CD164: variants seen among roughly 807,000 people sequenced by gnomAD.
CD164 encodes the protein sialomucin core protein 24.
CD164 carries 11 observed loss-of-function variants against 24.6 expected under a neutral mutation model. The ratio of observed to expected loss-of-function variants is 0.45; its 90% CI spans 0.28 to 0.74. The LOEUF (loss-of-function observed/expected upper bound fraction) is 0.74, where lower values mean the gene tolerates loss of function less well. CD164 is among the 30% of genes least tolerant of loss of function. The pLI is 0.13. For missense variants in CD164, 295 were observed against 243.7 expected (o/e 1.21, Z -1.40); for synonymous variants, 126 against 100.3 (o/e 1.26, Z -1.53).
Position 109,368,812 on chromosome 6 carries a change from CA to C in CD164, c.*38del, listed in dbSNP as rs1328177476. 1.9e-6 allele frequency: 3 copies of C among 1,576,480 alleles called. No homozygotes were observed. Among genetic ancestry groups the C allele is most frequent in the East Asian group, 2.3e-5 (1 of 44,290 alleles). Reference sequence around the variant, plus strand: ...AGTATTTTGGCTTCAGTGAGTTACACAAATGAATCACCAGTCCTTATTAATT... The same window carrying C: ...AGTATTTTGGCTTCAGTGAGTTACACAATGAATCACCAGTCCTTATTAATT... On this transcript the variant is annotated 3_prime_UTR_variant, in exon 6 of 6. Transcript: ENST00000310786.
chr6:109,370,066 C>T (rs1770990521), intron 5 of CD164, among the ~76,000 whole-genome samples: 1 of 152,182 alleles, frequency 6.6e-6, no homozygotes, highest in Admixed American at 6.5e-5. Flanking sequence ...TCCCTCAAAT[C>T]GCCATGCTCT....
intron 4 of CD164, chr6:109,371,921 A>G (rs1195653444): frequency 6.6e-6 from 1 of 152,182 alleles, no homozygotes; most frequent in Non-Finnish European, 1.5e-5. Flanking sequence ...TAATCATATG[A>G]GATTTATATT....
chr6:109,369,334 T>C (rs554144131), intron 5 of CD164, among the ~76,000 whole-genome samples: 1 of 152,372 alleles, frequency 6.6e-6, no homozygotes, highest in South Asian at 2.1e-4. Context: ...CTTCAGACTA[T>C]GTACTTTTAG....
chr6:109,379,659 G>A lies in CD164; in HGVS notation c.179C>T (p.Thr60Ile). 6.2e-7 allele frequency: 1 copy of A among 1,611,910 alleles called. No homozygotes were observed. The highest frequency in any genetic ancestry group is 8.5e-7 in the Non-Finnish European group (1 of 1,179,140). The change falls in exon 2 of 6, where the codon ACC (threonine) becomes ATC (isoleucine). Residue 60 changes from threonine to isoleucine, a missense_variant. Transcript: ENST00000310786. ...AACGCAGCTGTTTCGACCTTCACAGGTTTCTGGGGAGTTGGGGGGAGAGAT... is the reference window on the plus strand; with the variant it reads ...AACGCAGCTGTTTCGACCTTCACAGATTTCTGGGGAGTTGGGGGGAGAGAT... ...LPLVTTPAPE[T>I]CEGRNSCVSC...
chr6:109,380,557 G>C (rs1468407539), intron 1 of CD164: 1 of 152,192 alleles, frequency 6.6e-6, no homozygotes, highest in Non-Finnish European at 1.5e-5. Flanking sequence ...CGGTGGGGTG[G>C]GGAAGGGTTC....
chr6:109,379,128 T>C (rs1340206254), intron 2 of CD164, among the ~76,000 whole-genome samples: 1 of 152,204 alleles, frequency 6.6e-6, no homozygotes, highest in Admixed American at 6.5e-5. Flanking sequence ...TCTCTTTATA[T>C]TTCATGTTGC....
chr6:109,379,751 G>A (rs1771630465), intron 1 of CD164, 89 bp from the exon 2 acceptor site: 2 of 927,822 alleles, frequency 2.2e-6, no homozygotes, highest in Non-Finnish European at 3.3e-6. Flanking sequence ...TGAACAATAA[G>A]CATTACATAC....
intron 5 of CD164, 136 bp downstream of exon 5, chr6:109,370,275 T>TC (rs770983455): frequency 7.4e-6 from 5 of 672,172 alleles, no homozygotes; most frequent in Admixed American, 3.1e-5. Flanking sequence ...ACTACCTTGA[T>TC]CCCCCCTAAG....
rs570662789 is a variant in CD164, at chr6:109,375,917, G to T, written c.370+157C>A. Reference sequence around the variant, plus strand: ...GAGCTATGTGTCACTGTCACAAAAGGTAGAGATTAACGTTAATTGCTGTGG... The same window carrying T: ...GAGCTATGTGTCACTGTCACAAAAGTTAGAGATTAACGTTAATTGCTGTGG... On this transcript the variant is annotated intron_variant, in intron 4 of 5. Transcript: ENST00000310786. The T allele has an allele frequency of 5.9e-5, 35 of 597,250 alleles. No individual in the cohort carries two copies. The African/African-American group carries it at 6.0e-4, about 10-fold the overall frequency. The allele number at this position is 597,250 out of a possible 1,614,324, so 37.0% of individuals were successfully genotyped here. A position where few individuals can be genotyped will look rare whatever the true frequency, so the allele number is the denominator to read the frequency against.
intron 5 of CD164, 22 bp downstream of exon 5, chr6:109,370,389 T>C (rs752313177): frequency 7.6e-6 from 12 of 1,584,788 alleles, no homozygotes; most frequent in South Asian, 6.6e-5. Context: ...GCATCATTGC[T>C]AATCTAAAAA....
chr6:109,376,721 A>C (rs1771430582), intron 3 of CD164, among the ~76,000 whole-genome samples: 1 of 152,260 alleles, frequency 6.6e-6, no homozygotes, highest in African/African-American at 2.4e-5. Flanking sequence ...TTTTCCTTTA[A>C]ATCAGTTTTC....
intron 4 of CD164, 187 bp from the exon 5 acceptor site, chr6:109,370,654 T>C (rs1771027133): frequency 1.9e-6 from 1 of 525,252 alleles, no homozygotes; most frequent in African/African-American, 1.9e-5. Flanking sequence ...TTTAAGTGTA[T>C]TTTAAAACAA....
In CD164 at chr6:109,368,450, C is replaced by T; in HGVS notation, c.*401G>A. On this transcript the variant is annotated 3_prime_UTR_variant, in exon 6 of 6. Transcript: ENST00000310786. ...CAGCCAAAAATCCACCTAATTGATT[C>T]TCATTTGGCACGTTCTTCTCAATTC... 7.2e-7 allele frequency: 1 copy of T among 1,393,448 alleles called. No individual in the cohort carries two copies. Among genetic ancestry groups the T allele is most frequent in the Non-Finnish European group, 9.3e-7 (1 of 1,077,628 alleles). The allele number at this position is 1,393,448 out of a possible 1,614,324, so 86.3% of individuals were successfully genotyped here. A position where few individuals can be genotyped will look rare whatever the true frequency, so the allele number is the denominator to read the frequency against.
chr6:109,379,317 G>C (rs1284955920), intron 2 of CD164, among the ~76,000 whole-genome samples: 7 of 152,108 alleles, frequency 4.6e-5, no homozygotes, highest in African/African-American at 1.4e-4. Flanking sequence ...GACCAACCTG[G>C]GTAACACAGG....
intron 3 of CD164, among the ~76,000 whole-genome samples, chr6:109,376,443 G>A (rs995634634): frequency 1.3e-5 from 2 of 152,210 alleles, no homozygotes; most frequent in African/African-American, 4.8e-5. Context: ...CCTGCTGGCA[G>A]GAAAATAATC....
chr6:109,379,509 C>G (rs965655989), intron 2 of CD164, 70 bp downstream of exon 2: 4 of 1,128,764 alleles, frequency 3.5e-6, no homozygotes, highest in African/African-American at 1.6e-5. Flanking sequence ...ACATAACTTT[C>G]AAGTGTTCAA....
chr6:109,382,241 C>T lies in CD164; in HGVS notation c.138G>A (p.Pro46=). ...TGGTGACCAGCGGGAGGGACGTCAC[C>T]GGCGCCGAGGTTACGTTGGAGATGG... ...LAPISNVTSA[P]VTSLPLVTTP... is the part of the protein sequence containing the mutation. The change falls in exon 1 of 6, where the codon CCG becomes CCA. Residue 46 remains proline (P), a synonymous_variant. Coordinates refer to ENST00000310786, the MANE Select transcript of CD164 (RefSeq NM_006016.6). The T allele has an allele frequency of 1.3e-6, 2 of 1,584,180 alleles. No individual in the cohort carries two copies. Among genetic ancestry groups the T allele is most frequent in the African/African-American group, 1.3e-5 (1 of 74,368 alleles).
At chr6:109,382,095 G>A in intron 1 of CD164, 109 bp downstream of exon 1, 2 of 1,002,522 alleles carry the variant, frequency 2.0e-6, no homozygotes, top group Non-Finnish European at 2.6e-6. Context: ...CCCGAGCGCG[G>A]CCCGCCCGCC....
Position 109,366,576 on chromosome 6 carries a change from G to A in CD164, c.*2275C>T, listed in dbSNP as rs1454921715. The A allele has an allele frequency of 3.3e-5, 5 of 152,700 alleles. No individual in the cohort carries two copies. The East Asian group carries it at 5.8e-4, about 18-fold the overall frequency. 9.5% of individuals were successfully genotyped at this position (152,700 alleles called of 1,614,324 possible). ...TTGGTACATGATACAGATTGGTTTT[G>A]CAGTTTTTAATGAACTGAAATAGAA... is the stretch of plus-strand genomic sequence containing the variant. On this transcript the variant is annotated 3_prime_UTR_variant, in exon 6 of 6. Coordinates refer to ENST00000310786, the MANE Select transcript of CD164 (RefSeq NM_006016.6).
Sources: gnomAD v4.1 joint callset for allele counts (sites outside exome capture counted in the v4.1 genomes callset) on GRCh38, gnomAD v4.1.1 for gene constraint, MANE v1.5 for transcripts, NCBI Gene and HGNC (gene_info 2026-07-23, HGNC 2026-07-21) for gene names.